AFF3: variants seen among roughly 807,000 people sequenced by gnomAD.
AFF3 encodes the protein ALF transcription elongation factor 3.
In AFF3, 32 loss-of-function variants were observed where a neutral mutation model predicts 129.7. That is an observed-to-expected ratio of 0.25 (90% CI 0.19 to 0.33). AFF3 has a LOEUF of 0.33. Ranked by LOEUF, AFF3 falls within the 10% of genes least tolerant of loss-of-function variation. The pLI is 1.00. For synonymous variants in AFF3, 644 were observed against 635.4 expected, an observed-to-expected ratio of 1.01 and a Z score of -0.20; for missense variants, 1,373 against 1,592.0, an observed-to-expected ratio of 0.86 and a Z score of 2.34.
At chr2:99,851,362 T>C (rs1327557329) in intron 7 of AFF3, among the ~76,000 whole-genome samples, 2 of 152,238 alleles carry the variant, frequency 1.3e-5, no homozygotes, top group Admixed American at 1.3e-4. Context: ...ATGTTCTCTT[T>C]CTGGTTTCTC....
intron 7 of AFF3, among the ~76,000 whole-genome samples, chr2:99,994,168 G>C (rs932315276): frequency 6.6e-6 from 1 of 152,012 alleles, no homozygotes; most frequent in African/African-American, 2.4e-5. Flanking sequence ...CAGACTGAAA[G>C]AACACTCCAT....
At chr2:99,570,712 A>C (rs1038524683) in intron 18 of AFF3, among the ~76,000 whole-genome samples, 2 of 152,138 alleles carry the variant, frequency 1.3e-5, no homozygotes, top group African/African-American at 4.8e-5. Flanking sequence ...AATCTTGCCC[A>C]ACCCACTTAA....
chr2:99,627,875 T>C (rs1356523514), intron 13 of AFF3, among the ~76,000 whole-genome samples: 1 of 151,936 alleles, frequency 6.6e-6, no homozygotes, highest in Non-Finnish European at 1.5e-5. Flanking sequence ...TGGTTATAGG[T>C]GTATGGCCTT....
intron 13 of AFF3, among the ~76,000 whole-genome samples, chr2:99,608,176 G>T (rs1052498529): frequency 2.6e-5 from 4 of 152,222 alleles, no homozygotes; most frequent in Non-Finnish European, 5.9e-5. Flanking sequence ...GGCTGGGTCT[G>T]TTTCCAGCAG....
chr2:99,796,964 C>T (rs1204761370), intron 8 of AFF3, among the ~76,000 whole-genome samples: 1 of 151,982 alleles, frequency 6.6e-6, no homozygotes, highest in Non-Finnish European at 1.5e-5. Flanking sequence ...GAGACAAAAC[C>T]CAAAACAATC....
chr2:99,595,648 T>C (rs775039683), intron 14 of AFF3, among the ~76,000 whole-genome samples: 6 of 148,018 alleles, frequency 4.1e-5, no homozygotes, highest in Non-Finnish European at 6.1e-5. Flanking sequence ...TTTTCAACAG[T>C]GAGGCCTGTA....
chr2:100,024,111 A>G (rs1683828671), intron 4 of AFF3, among the ~76,000 whole-genome samples: 1 of 151,326 alleles, frequency 6.6e-6, no homozygotes, highest in Non-Finnish European at 1.5e-5. Flanking sequence ...GGGCGCCTGT[A>G]GTCCCAGCTA....
At position 100,104,505 on chromosome 2, in the gene AFF3, G is replaced by T. The variant is rs752235410; in HGVS notation, c.-51C>A. ...GCCGCTACCGCCGCCGCCGAGGCTC[G>T]GGCCGCCCGCGCGCTGCAACGAAAG... On this transcript the variant is annotated 5_prime_UTR_variant, in exon 4 of 25. Coordinates refer to ENST00000672756, the MANE Select transcript of AFF3 (RefSeq NM_001386135.1). 3 of 1,280,018 alleles carry T rather than the reference G, an allele frequency of 2.3e-6. No individual in the cohort carries two copies. The highest frequency in any genetic ancestry group is 2.9e-5 in the South Asian group (2 of 68,986). 79.3% of individuals were successfully genotyped at this position (1,280,018 alleles called of 1,614,324 possible).
At chr2:99,633,361 G>A (rs1683309434) in intron 13 of AFF3, among the ~76,000 whole-genome samples, 1 of 152,138 alleles carries the variant, frequency 6.6e-6, no homozygotes, top group Admixed American at 6.5e-5. Context: ...TGTGGACGAT[G>A]GCAATGCATG....
intron 4 of AFF3, among the ~76,000 whole-genome samples, chr2:100,050,028 A>C (rs2105129069): frequency 6.6e-6 from 1 of 152,238 alleles, no homozygotes; most frequent in African/African-American, 2.4e-5. Flanking sequence ...CCTGGCCAAC[A>C]TGGTGAAACC....
Position 99,776,439 on chromosome 2 carries a change from T to A in AFF3, c.922-24138A>T, listed in dbSNP as rs570905488. On this transcript the variant is annotated intron_variant, in intron 8 of 24. Transcript: ENST00000672756. ...TTGGCAGAAGGTAGAAACCCTGTAT[T>A]GGCTAAATATTTAGCAACACTGAAG... Among the ~76,000 whole-genome samples, 253 of 152,320 alleles carry A rather than the reference T, an allele frequency of 1.7e-3. 1 individual carries two copies. Among genetic ancestry groups the A allele is most frequent in the Non-Finnish European group, 2.1e-3 (143 of 68,022 alleles).
intron 7 of AFF3, among the ~76,000 whole-genome samples, chr2:99,995,871 G>A (rs1175858868): frequency 6.6e-6 from 1 of 152,076 alleles, no homozygotes; most frequent in African/African-American, 2.4e-5. Context: ...TTAACTCAAT[G>A]AGAAAAAATA....
At chr2:99,881,922 A>C (rs1692748168) in intron 7 of AFF3, among the ~76,000 whole-genome samples, 1 of 152,204 alleles carries the variant, frequency 6.6e-6, no homozygotes, top group Non-Finnish European at 1.5e-5. Flanking sequence ...ACTTGACCTG[A>C]ATTTATGCAT....
chr2:100,123,374 G>A (rs1488152832), intron 2 of AFF3, among the ~76,000 whole-genome samples: 3 of 152,188 alleles, frequency 2.0e-5, no homozygotes, highest in Non-Finnish European at 4.4e-5. Context: ...GAGTCCTGGT[G>A]TGCTCCTGGT....
chr2:100,012,157 G>A (rs889617549), intron 4 of AFF3, among the ~76,000 whole-genome samples: 5 of 151,966 alleles, frequency 3.3e-5, no homozygotes, highest in East Asian at 3.9e-4. Context: ...TCTTTTCAGG[G>A]GCCTGCCATC....
chr2:99,783,888 A>G (rs898067611), intron 8 of AFF3, among the ~76,000 whole-genome samples: 1 of 152,272 alleles, frequency 6.6e-6, no homozygotes, highest in Non-Finnish European at 1.5e-5. Context: ...GTAAATCAAC[A>G]AACCCTTTCA....
intron 4 of AFF3, among the ~76,000 whole-genome samples, chr2:100,080,473 G>A (rs1419737127): frequency 6.6e-6 from 1 of 152,056 alleles, no homozygotes; most frequent in East Asian, 1.9e-4. Flanking sequence ...ACTCTATGCA[G>A]ATTTGTCACC....
At chr2:100,014,651 G>A (rs954971802) in intron 4 of AFF3, among the ~76,000 whole-genome samples, 10 of 152,026 alleles carry the variant, frequency 6.6e-5, no homozygotes, top group East Asian at 1.9e-4. Context: ...TTGAGAAAAC[G>A]GCAGGTTAAG....
At chr2:99,707,163 TAAC>T in intron 11 of AFF3, 2 of 985,442 alleles carry the variant, frequency 2.0e-6, no homozygotes, top group Non-Finnish European at 1.2e-6. Flanking sequence ...AACTTGCCTG[TAAC>T]AACATCCTAA....
Sources: allele counts gnomAD v4.1 joint callset (sites outside exome capture counted in the v4.1 genomes callset), GRCh38; gene constraint gnomAD v4.1.1; transcripts MANE v1.5; gene names NCBI Gene and HGNC (gene_info 2026-07-23, HGNC 2026-07-21).